The following ZNF483 variants were observed in gnomAD, a reference collection of about 807,000 sequenced individuals.
ZNF483 encodes the protein zinc finger protein 483.
In ZNF483, 9 loss-of-function variants were observed where a neutral mutation model predicts 28.6. The ratio of observed to expected loss-of-function variants is 0.32; its 90% CI spans 0.19 to 0.55. The LOEUF is 0.55. Ranked by LOEUF, ZNF483 falls within the 20% of genes least tolerant of loss-of-function variation. ZNF483 has a pLI of 0.93. For synonymous variants in ZNF483, 322 were observed against 306.2 expected, an observed-to-expected ratio of 1.05 and a Z score of -0.54; for missense variants, 675 against 871.7, an observed-to-expected ratio of 0.77 and a Z score of 2.84.
At chr9:111,555,735 GA>G (rs1188041461), downstream of ZNF483, among the ~76,000 whole-genome samples, 1 of 152,154 alleles carries the variant, frequency 6.6e-6, no homozygotes, top group Non-Finnish European at 1.5e-5. Flanking sequence ...ACTATCATGA[GA>G]ACAACAGGAG....
Position 111,555,088 on chromosome 9 carries a change from G to T in ZNF483, c.*11918G>T, listed in dbSNP as rs1034264552. ...CAGGCAGAGGCACGCCACATGGTGG[G>T]ATAGGAGTTGGAGTTCATCCCCTTT... is the stretch of plus-strand genomic sequence containing the variant. On this transcript the variant is annotated 3_prime_UTR_variant, in exon 6 of 6. Coordinates refer to ENST00000309235, the MANE Select transcript of ZNF483 (RefSeq NM_133464.5). 6.6e-6 allele frequency among the ~76,000 whole-genome samples: 1 copy of T among 152,164 alleles called. No individual in the cohort carries two copies. The highest frequency in any genetic ancestry group is 1.5e-5 in the Non-Finnish European group (1 of 68,034).
At position 111,563,266 on chromosome 9, in the gene ZNF483, T is replaced by C. The variant is rs545350929; in HGVS notation, c.722-13099T>C. The C allele has an allele frequency of 3.9e-5, 62 of 1,580,786 alleles. No individual in the cohort carries two copies. In the East Asian group the frequency reaches 1.1e-3, roughly 29 times the overall value. On this transcript the variant is annotated intron_variant, in intron 5 of 5. Transcript: ENST00000358151. ...AGCAACAACAAATTTTAAAACTTAA[T>C]TTAATATTCTCAATGATATACTGTT...
At position 111,552,253 on chromosome 9, in the gene ZNF483, T is replaced by C. The variant is rs1358966166; in HGVS notation, c.*9083T>C. 6.6e-6 allele frequency among the ~76,000 whole-genome samples: 1 copy of C among 152,206 alleles called. No homozygotes were observed. The highest frequency in any genetic ancestry group is 2.4e-5 in the African/African-American group (1 of 41,468). ...TCTTTTGTAAGTCATCCAGGTAACA[T>C]TGGTAAAGAAACAAGATCATTAGAT... is the stretch of plus-strand genomic sequence containing the variant. On this transcript the variant is annotated 3_prime_UTR_variant, in exon 6 of 6. Transcript: ENST00000309235.
chr9:111,525,717 C>T (rs996318608), intron 1 of ZNF483, among the ~76,000 whole-genome samples: 1 of 152,102 alleles, frequency 6.6e-6, no homozygotes, highest in Admixed American at 6.5e-5. Context: ...TTCACCGGGC[C>T]TCCTATGTAA....
At chr9:111,533,930 G>C in intron 4 of ZNF483, 65 bp downstream of exon 4, 9 of 1,558,178 alleles carry the variant, frequency 5.8e-6, no homozygotes, top group Non-Finnish European at 7.8e-6. Flanking sequence ...CCCTTTTATT[G>C]AAAGGTAAGT....
At position 111,554,101 on chromosome 9, in the gene ZNF483, G is replaced by T. The variant is rs968642224; in HGVS notation, c.*10931G>T. Among the ~76,000 whole-genome samples the T allele has an allele frequency of 6.6e-6, 1 of 152,146 alleles. No homozygotes were observed. The highest frequency in any genetic ancestry group is 1.5e-5 in the Non-Finnish European group (1 of 68,028). On this transcript the variant is annotated 3_prime_UTR_variant, in exon 6 of 6. Coordinates refer to ENST00000309235, the MANE Select transcript of ZNF483 (RefSeq NM_133464.5). ...ATTCCACTCTAGAGATCTCACACAGGCTTCCCAGGATATTTTAAAATCTGG... is the reference window on the plus strand; with the variant it reads ...ATTCCACTCTAGAGATCTCACACAGTCTTCCCAGGATATTTTAAAATCTGG...
Position 111,547,744 on chromosome 9 carries a change from C to T in ZNF483, c.*4574C>T, listed in dbSNP as rs1018144647. 6.6e-6 allele frequency among the ~76,000 whole-genome samples: 1 copy of T among 152,038 alleles called. No individual in the cohort carries two copies. The highest frequency in any genetic ancestry group is 1.5e-5 in the Non-Finnish European group (1 of 67,966). On this transcript the variant is annotated 3_prime_UTR_variant, in exon 6 of 6. Coordinates refer to ENST00000309235, the MANE Select transcript of ZNF483 (RefSeq NM_133464.5). ...AATCCAATGTCATGAAGCTTTTCTCCTATTCTAGGAGTTTTATAGTTTCAG... is the reference window on the plus strand; with the variant it reads ...AATCCAATGTCATGAAGCTTTTCTCTTATTCTAGGAGTTTTATAGTTTCAG...
At position 111,534,158 on chromosome 9, in the gene ZNF483, G is replaced by C; in HGVS notation, c.629-103G>C. 6.0e-6 allele frequency: 6 copies of C among 1,006,214 alleles called. No homozygotes were observed. The South Asian group carries it at 7.5e-5, about 13-fold the overall frequency. 62.3% of individuals were successfully genotyped at this position (1,006,214 alleles called of 1,614,324 possible). On this transcript the variant is annotated intron_variant, in intron 4 of 5. Coordinates refer to ENST00000309235, the MANE Select transcript of ZNF483 (RefSeq NM_133464.5). Reference sequence around the variant, plus strand: ...GTATTTATGTCTGTGTATTTTGGTAGCATGTTTTTATCTTCCTTGGAGAAC... The same window carrying C: ...GTATTTATGTCTGTGTATTTTGGTACCATGTTTTTATCTTCCTTGGAGAAC...
At chr9:111,574,939 A>G (rs1828993983) in intron 5 of ZNF483, 1 of 931,666 alleles carries the variant, frequency 1.1e-6, no homozygotes, top group African/African-American at 1.7e-5. Flanking sequence ...TACCTGTTTT[A>G]GCAGCAACAA....
downstream of ZNF483, among the ~76,000 whole-genome samples, chr9:111,555,425 C>T (rs191729145): frequency 9.9e-5 from 15 of 152,218 alleles, no homozygotes; most frequent in East Asian, 1.2e-3. Flanking sequence ...ATCAGAAGGC[C>T]GTTGTGCTAT....
At chr9:111,555,929 A>C (rs187314377), downstream of ZNF483, among the ~76,000 whole-genome samples, 4 of 152,286 alleles carry the variant, frequency 2.6e-5, no homozygotes, top group African/African-American at 4.8e-5. Context: ...ACAGTCCCTT[A>C]AAGTCTTAAC....
chr9:111,561,183 G>A (rs180804440), intron 5 of ZNF483, among the ~76,000 whole-genome samples: 6,127 of 130,530 alleles, frequency 0.047, 329 homozygotes, highest in African/African-American at 0.084. Flanking sequence ...GAGAGAAAGA[G>A]AGAGAGATTC....
rs1827753059 is a variant in ZNF483, at chr9:111,544,337, GGTGTGTGTGCATGTGTGTGTGTGTGT to G, written c.*1177_*1202del. The G allele has an allele frequency of 7.2e-6, 7 of 971,912 alleles. No homozygotes were observed. Among genetic ancestry groups the G allele is most frequent in the Admixed American group, 1.3e-4 (2 of 14,836 alleles). The allele number at this position is 971,912 out of a possible 1,614,324, so 60.2% of individuals were successfully genotyped here. A position where few individuals can be genotyped will look rare whatever the true frequency, so the allele number is the denominator to read the frequency against. On this transcript the variant is annotated 3_prime_UTR_variant, in exon 6 of 6. Transcript: ENST00000309235. Reference sequence around the variant, plus strand: ...AAAAGCTGTTATAACAATTTGCTTGGGTGTGTGTGCATGTGTGTGTGTGTGTGTGTGTGTGTATACATTGTTGCCAC... The same window carrying G: ...AAAAGCTGTTATAACAATTTGCTTGGGTGTGTGTGTATACATTGTTGCCAC...
At chr9:111,574,885 T>A (rs1828990507) in intron 5 of ZNF483, 5 of 1,422,044 alleles carry the variant, frequency 3.5e-6, no homozygotes, top group Non-Finnish European at 9.9e-7. Context: ...ATCTAAATAC[T>A]AGAGATTCAG....
chr9:111,549,944 C>A lies in ZNF483; in HGVS notation c.*6774C>A, dbSNP rs1827891040. On this transcript the variant is annotated 3_prime_UTR_variant, in exon 6 of 6. Transcript: ENST00000309235. ...GCCTTTGAATGGTCAATACTTGTTT[C>A]TTTGTATGCATCGTGATTGTTTTTG... 1.8e-6 allele frequency: 1 copy of A among 564,790 alleles called. No homozygotes were observed. Among genetic ancestry groups the A allele is most frequent in the Non-Finnish European group, 3.1e-6 (1 of 324,432 alleles). 35.0% of individuals were successfully genotyped at this position (564,790 alleles called of 1,614,324 possible).
intron 5 of ZNF483, among the ~76,000 whole-genome samples, chr9:111,572,756 C>CAAAAAAAAAAAAAAAAAAA (rs58101079): frequency 1.6e-5 from 1 of 63,512 alleles, no homozygotes; most frequent in African/African-American, 7.7e-5. Context: ...GACCCTGTCT[C>CAAAAAAAAAAAAAAAAAAA]AAAAAAAAAA....
intron 5 of ZNF483, among the ~76,000 whole-genome samples, chr9:111,540,069 C>T (rs1385878926): frequency 6.6e-6 from 1 of 152,062 alleles, no homozygotes; most frequent in African/African-American, 2.4e-5. Context: ...GAGGTTGAGG[C>T]TGCAGTGAGC....
Position 111,544,970 on chromosome 9 carries a change from A to G in ZNF483, c.*1800A>G, listed in dbSNP as rs978282897. Among the ~76,000 whole-genome samples the G allele has an allele frequency of 6.6e-6, 1 of 152,142 alleles. No individual in the cohort carries two copies. Among genetic ancestry groups the G allele is most frequent in the Non-Finnish European group, 1.5e-5 (1 of 68,016 alleles). ...AGAGAGCTAAACCAGAAAACTCTTC[A>G]CTTATGGAAGTAAAGCGATCCTTAA... On this transcript the variant is annotated 3_prime_UTR_variant, in exon 6 of 6. Transcript: ENST00000309235.
At chr9:111,536,972 A>G (rs186960233) in intron 5 of ZNF483, among the ~76,000 whole-genome samples, 1 of 152,308 alleles carries the variant, frequency 6.6e-6, no homozygotes, top group Admixed American at 6.5e-5. Context: ...TTGCAGCTGC[A>G]GACCTCAGTC....
Sources: gnomAD v4.1 joint callset for allele counts (sites outside exome capture counted in the v4.1 genomes callset) on GRCh38, gnomAD v4.1.1 for gene constraint, MANE v1.5 for transcripts, NCBI Gene and HGNC (gene_info 2026-07-23, HGNC 2026-07-21) for gene names.